The following OSBPL1A variants were observed in gnomAD, a reference collection of about 807,000 sequenced individuals.
OSBPL1A encodes oxysterol-binding protein-related protein 1.
Under a neutral mutation model 137.1 loss-of-function variants are expected in OSBPL1A, and 80 were observed. The observed-to-expected ratio is 0.58, with a 90% CI of 0.49 to 0.70. The LOEUF is 0.70. Ranked by LOEUF, OSBPL1A falls within the 30% of genes least tolerant of loss-of-function variation. The pLI is 0.00. For missense variants in OSBPL1A, 970 were observed against 1,129.4 expected (o/e 0.86, Z 2.02); for synonymous variants, 365 against 389.7 (o/e 0.94, Z 0.75).
chr18:24,381,416 G>A (rs1221333272), intron 1 of OSBPL1A, among the ~76,000 whole-genome samples: 1 of 152,150 alleles, frequency 6.6e-6, no homozygotes, highest in Non-Finnish European at 1.5e-5. Context: ...GTGCACAGAT[G>A]GACCTAACAG....
chr18:24,341,765 A>G, intron 4 of OSBPL1A, 107 bp from the exon 5 acceptor site: 1 of 641,934 alleles, frequency 1.6e-6, no homozygotes, highest in Admixed American at 3.1e-5. Context: ...AGAAAAAAGC[A>G]CCAGGTGAGA....
At chr18:24,361,637 C>T (rs946791797) in intron 4 of OSBPL1A, among the ~76,000 whole-genome samples, 9 of 152,134 alleles carry the variant, frequency 5.9e-5, no homozygotes, top group African/African-American at 1.9e-4. Context: ...GTAAAACTTA[C>T]CTTGTGCTCA....
At chr18:24,283,038 G>A (rs1212742055) in intron 14 of OSBPL1A, among the ~76,000 whole-genome samples, 2 of 151,644 alleles carry the variant, frequency 1.3e-5, no homozygotes, top group East Asian at 3.9e-4. Flanking sequence ...GAGCCCAGGA[G>A]TTCAAGTTTT....
intron 1 of OSBPL1A, among the ~76,000 whole-genome samples, chr18:24,392,443 G>A (rs1010516580): frequency 1.3e-5 from 2 of 152,168 alleles, no homozygotes; most frequent in African/African-American, 2.4e-5. Flanking sequence ...ACAGGCGTGA[G>A]CCACCACACC....
chr18:24,269,046 C>T (rs1383115780), intron 15 of OSBPL1A, among the ~76,000 whole-genome samples: 1 of 152,170 alleles, frequency 6.6e-6, no homozygotes, highest in Non-Finnish European at 1.5e-5. Flanking sequence ...GGAGTACCAG[C>T]TCCTATTCAT....
intron 15 of OSBPL1A, among the ~76,000 whole-genome samples, chr18:24,256,014 C>T (rs1325889903): frequency 6.6e-6 from 1 of 152,050 alleles, no homozygotes; most frequent in Non-Finnish European, 1.5e-5. Context: ...AGGCTGGTCT[C>T]GAACTCCTAG....
intron 7 of OSBPL1A, among the ~76,000 whole-genome samples, chr18:24,320,847 G>T (rs960497697): frequency 3.3e-5 from 5 of 151,896 alleles, no homozygotes; most frequent in African/African-American, 1.2e-4. Context: ...GGCCAACATG[G>T]TGAAACCCCC....
At chr18:24,369,335 T>C (rs1477322353) in intron 2 of OSBPL1A, among the ~76,000 whole-genome samples, 1 of 152,096 alleles carries the variant, frequency 6.6e-6, no homozygotes, top group Non-Finnish European at 1.5e-5. Flanking sequence ...ACAGATTCAA[T>C]TTAGCAAAAA....
chr18:24,219,411 C>G (rs1423742457), intron 17 of OSBPL1A, among the ~76,000 whole-genome samples: 2 of 152,168 alleles, frequency 1.3e-5, no homozygotes, highest in Non-Finnish European at 2.9e-5. Context: ...TATTATTCTA[C>G]TTGTAGGCAT....
chr18:24,296,391 AG>A (rs2090293331), intron 14 of OSBPL1A, among the ~76,000 whole-genome samples: 1 of 152,194 alleles, frequency 6.6e-6, no homozygotes, highest in African/African-American at 2.4e-5. Context: ...TATGAGATCT[AG>A]GAGTCTTTTG....
chr18:24,301,968 C>A (rs1225724402), intron 14 of OSBPL1A, among the ~76,000 whole-genome samples: 1 of 152,150 alleles, frequency 6.6e-6, no homozygotes, highest in Non-Finnish European at 1.5e-5. Flanking sequence ...GTGGCTCACG[C>A]CTGTAATCCC....
chr18:24,359,437 G>A (rs998583465), intron 4 of OSBPL1A, among the ~76,000 whole-genome samples: 1 of 152,090 alleles, frequency 6.6e-6, no homozygotes, highest in Non-Finnish European at 1.5e-5. Context: ...GGTGGCTCAT[G>A]CCTGTGATCC....
chr18:24,229,702 A>T (rs1359939232), intron 16 of OSBPL1A, among the ~76,000 whole-genome samples: 1 of 152,232 alleles, frequency 6.6e-6, no homozygotes, highest in African/African-American at 2.4e-5. Flanking sequence ...CTGTAAAACA[A>T]ATCAGTGCTA....
rs1365481182 is a variant in OSBPL1A, at chr18:24,332,798, T to C, written c.625+144A>G. ...CTACCTTTGTCATCATTTTTTCTTT[T>C]GTGTGAATGCCTTGGCTCCAAAATT... is the stretch of plus-strand genomic sequence containing the variant. On this transcript the variant is annotated intron_variant, in intron 7 of 27. Transcript: ENST00000319481. 3 of 956,700 alleles carry C rather than the reference T, an allele frequency of 3.1e-6. No individual in the cohort carries two copies. In the African/African-American group the frequency reaches 5.0e-5, roughly 16 times the overall value. 59.3% of individuals were successfully genotyped at this position (956,700 alleles called of 1,614,324 possible).
chr18:24,326,558 T>G (rs968054934), intron 7 of OSBPL1A, among the ~76,000 whole-genome samples: 6 of 152,274 alleles, frequency 3.9e-5, no homozygotes, highest in Non-Finnish European at 7.4e-5. Flanking sequence ...CCATTATGTA[T>G]CCTGGAAAAC....
chr18:24,288,699 C>T (rs1275428302), intron 14 of OSBPL1A, among the ~76,000 whole-genome samples: 1 of 149,390 alleles, frequency 6.7e-6, no homozygotes, highest in Non-Finnish European at 1.5e-5. Context: ...ACCTGGAAGG[C>T]GGAGGTTGCA....
At chr18:24,338,898 G>C (rs755907958) in intron 5 of OSBPL1A, among the ~76,000 whole-genome samples, 2 of 152,022 alleles carry the variant, frequency 1.3e-5, no homozygotes, top group Non-Finnish European at 1.5e-5. Context: ...ATTTTTAGTA[G>C]AGACGGGGTT....
chr18:24,281,474 A>G (rs1599609188), intron 14 of OSBPL1A, among the ~76,000 whole-genome samples: 1 of 144,308 alleles, frequency 6.9e-6, no homozygotes, highest in Non-Finnish European at 1.5e-5. Context: ...TGTAACCTTC[A>G]CCTCCCGGGT....
intron 17 of OSBPL1A, 151 bp from the exon 18 acceptor site, chr18:24,196,351 G>T: frequency 1.6e-6 from 1 of 613,568 alleles, no homozygotes; most frequent in Non-Finnish European, 2.9e-6. Flanking sequence ...GGCTAATCTA[G>T]GGTTGCACCT....
Sources: allele counts gnomAD v4.1 joint callset (sites outside exome capture counted in the v4.1 genomes callset), GRCh38; gene constraint gnomAD v4.1.1; transcripts MANE v1.5; gene names NCBI Gene and HGNC (gene_info 2026-07-23, HGNC 2026-07-21).